Variants in RASEF observed in about 807,000 individuals in gnomAD.
The protein encoded by RASEF is ras and EF-hand domain-containing protein.
RASEF carries 68 observed loss-of-function variants against 90.1 expected under a neutral mutation model. That is an observed-to-expected ratio of 0.75 (90% CI 0.62 to 0.92). RASEF has a LOEUF of 0.92. Among genes scored for constraint, RASEF ranks in the 40% least tolerant of loss-of-function variants. The pLI is 0.00. For missense variants in RASEF, 949 were observed against 937.2 expected (o/e 1.01, Z -0.16); for synonymous variants, 331 against 345.2 (o/e 0.96, Z 0.46).
At chr9:83,119,442 C>T in the RASEF span, among the ~76,000 whole-genome samples, 3 of 152,050 alleles carry the variant, frequency 2.0e-5, no homozygotes, top group African/African-American at 7.2e-5. Flanking sequence ...ATCAGAGGAC[C>T]CTTAATAAAG....
the RASEF span, among the ~76,000 whole-genome samples, chr9:83,114,462 C>T: frequency 2.6e-5 from 4 of 152,180 alleles, no homozygotes; most frequent in Non-Finnish European, 5.9e-5. Flanking sequence ...AGGATAACAG[C>T]AATGTTCAGG....
the RASEF span, among the ~76,000 whole-genome samples, chr9:83,202,362 A>T: frequency 7.2e-5 from 11 of 152,266 alleles, no homozygotes; most frequent in Non-Finnish European, 1.6e-4. Flanking sequence ...ATGAATATTC[A>T]TAATGAAAAA....
the RASEF span, among the ~76,000 whole-genome samples, chr9:83,072,405 G>T: frequency 6.6e-6 from 1 of 152,112 alleles, no homozygotes; most frequent in Non-Finnish European, 1.5e-5. Context: ...TTCTCTAGAG[G>T]GACAGAACTA....
the RASEF span, among the ~76,000 whole-genome samples, chr9:83,163,411 T>G: frequency 6.6e-6 from 1 of 152,194 alleles, no homozygotes; most frequent in East Asian, 1.9e-4. Flanking sequence ...ATGGCAGGGA[T>G]GTAGGAATTA....
At chr9:83,096,457 C>T in the RASEF span, among the ~76,000 whole-genome samples, 11 of 152,016 alleles carry the variant, frequency 7.2e-5, no homozygotes, top group African/African-American at 9.7e-5. Flanking sequence ...AAGATGCTTA[C>T]GCATGAAAAA....
chr9:83,101,769 T>A, the RASEF span, among the ~76,000 whole-genome samples: 2 of 152,196 alleles, frequency 1.3e-5, no homozygotes, highest in South Asian at 4.1e-4. Context: ...TTGCTACATT[T>A]TCATCTCTGG....
At chr9:82,998,751 G>A (rs1192466100) in intron 12 of RASEF, among the ~76,000 whole-genome samples, 3 of 152,166 alleles carry the variant, frequency 2.0e-5, no homozygotes, top group Non-Finnish European at 1.5e-5. Flanking sequence ...GTGTGTGTGT[G>A]TGTGGGTGTG....
the RASEF span, among the ~76,000 whole-genome samples, chr9:83,068,183 T>C: frequency 6.6e-6 from 1 of 152,240 alleles, no homozygotes; most frequent in Admixed American, 6.5e-5. Flanking sequence ...CTGTTTCATA[T>C]TATATATGCA....
chr9:83,127,536 T>C, the RASEF span, among the ~76,000 whole-genome samples: 2 of 152,086 alleles, frequency 1.3e-5, no homozygotes, highest in African/African-American at 4.8e-5. Flanking sequence ...AGATCCCAAG[T>C]AGAAAAATTC....
rs1315360080 is a variant in RASEF at position 83,026,703 on chromosome 9, T to C, written c.432-782A>G. Among the ~76,000 whole-genome samples, 6 of 152,334 alleles carry C rather than the reference T, an allele frequency of 3.9e-5. No individual in the cohort carries two copies. The East Asian group carries it at 9.7e-4, about 25-fold the overall frequency. The stretch of plus-strand genomic sequence containing the variant: ...ACCACAGCAATGAATATACCTATTA[T>C]GTTACGGTCAGCTAAAAGTAACTTC... On this transcript the variant is annotated intron_variant, in intron 1 of 16. Transcript: ENST00000376447.
the RASEF span, among the ~76,000 whole-genome samples, chr9:83,208,504 G>A: frequency 6.6e-6 from 1 of 152,188 alleles, no homozygotes; most frequent in Non-Finnish European, 1.5e-5. Flanking sequence ...ACATAGGTGT[G>A]TCTGAGTTGT....
chr9:83,112,617 G>A, the RASEF span, among the ~76,000 whole-genome samples: 1 of 152,024 alleles, frequency 6.6e-6, no homozygotes, highest in African/African-American at 2.4e-5. Flanking sequence ...AACCCAGGAG[G>A]TGGAGGTTGT....
chr9:83,000,882 T>C lies in RASEF; in HGVS notation c.1437+14A>G. The C allele has an allele frequency of 6.2e-7, 1 of 1,603,714 alleles. No homozygotes were observed. The highest frequency in any genetic ancestry group is 8.5e-7 in the Non-Finnish European group (1 of 1,170,696). On this transcript the variant is annotated intron_variant, in intron 10 of 16. Transcript: ENST00000376447. Reference sequence around the variant, plus strand: ...CGTAGAAGGCCTAGGAGAGCAGTGGTTTCTGGGGCTTACATCTGTGTCTGA... The same window carrying C: ...CGTAGAAGGCCTAGGAGAGCAGTGGCTTCTGGGGCTTACATCTGTGTCTGA...
the RASEF span, among the ~76,000 whole-genome samples, chr9:83,187,746 T>C: frequency 6.6e-6 from 1 of 152,298 alleles, no homozygotes; most frequent in Admixed American, 6.5e-5. Context: ...CCTTCTTCCC[T>C]CTACCTTCCA....
intron 13 of RASEF, among the ~76,000 whole-genome samples, chr9:82,998,073 C>A (rs1157386083): frequency 1.5e-4 from 23 of 152,088 alleles, no homozygotes; most frequent in Admixed American, 1.5e-3. Context: ...TCACTGCACT[C>A]AAAAATGCTG....
At chr9:83,035,438 T>G (rs1449843508) in intron 1 of RASEF, among the ~76,000 whole-genome samples, 1 of 152,196 alleles carries the variant, frequency 6.6e-6, no homozygotes, top group East Asian at 1.9e-4. Context: ...GACCTCACCC[T>G]TCCACACTCA....
intron 8 of RASEF, 68 bp downstream of exon 8, chr9:83,005,348 T>A (rs1467067173): frequency 3.8e-5 from 44 of 1,143,070 alleles, no homozygotes; most frequent in Non-Finnish European, 1.3e-6. Context: ...AATTACATTA[T>A]TTTCATCAAC....
At chr9:83,165,303 G>A in the RASEF span, among the ~76,000 whole-genome samples, 1 of 152,040 alleles carries the variant, frequency 6.6e-6, no homozygotes, top group East Asian at 1.9e-4. Context: ...ATCATACAAT[G>A]TTTGCTCTCA....
intron 1 of RASEF, among the ~76,000 whole-genome samples, chr9:83,053,671 A>G (rs1223910877): frequency 6.9e-6 from 1 of 144,390 alleles, no homozygotes; most frequent in Admixed American, 6.8e-5. Context: ...ATGATTTTGC[A>G]GCGGCTGGTA....
Sources: gnomAD v4.1 joint callset for allele counts (sites outside exome capture counted in the v4.1 genomes callset) on GRCh38, gnomAD v4.1.1 for gene constraint, MANE v1.5 for transcripts, NCBI Gene and HGNC (gene_info 2026-07-23, HGNC 2026-07-21) for gene names.